Variants in L3MBTL4 observed in about 807,000 individuals in gnomAD.
The protein encoded by L3MBTL4 is lethal(3)malignant brain tumor-like protein 4.
In L3MBTL4, 70 loss-of-function variants were observed where a neutral mutation model predicts 84.5. That is an observed-to-expected ratio of 0.83 (90% CI 0.68 to 1.01). The LOEUF is 1.01. Among genes scored for constraint, L3MBTL4 ranks in the 50% least tolerant of loss-of-function variants. The probability of loss-of-function intolerance (pLI) is 0.00; values close to 1 mark genes in which losing one functional copy is unlikely to be tolerated. For synonymous variants in L3MBTL4, 274 were observed against 259.8 expected (o/e 1.05, Z -0.52); for missense variants, 715 against 754.8 (o/e 0.95, Z 0.62).
chr18:6,014,621 C>G (rs1309749376), intron 16 of L3MBTL4, among the ~76,000 whole-genome samples: 2 of 151,956 alleles, frequency 1.3e-5, no homozygotes, highest in Admixed American at 1.3e-4. Context: ...GCCTGGAGGA[C>G]TAGAATAACA....
At chr18:6,245,455 C>T (rs1340080295) in intron 5 of L3MBTL4, among the ~76,000 whole-genome samples, 5 of 152,126 alleles carry the variant, frequency 3.3e-5, no homozygotes, top group Non-Finnish European at 7.4e-5. Flanking sequence ...TGGCTCTTCA[C>T]TGTGTTTACA....
intron 1 of L3MBTL4, among the ~76,000 whole-genome samples, chr18:6,360,526 C>T (rs1485507143): frequency 6.6e-6 from 1 of 152,168 alleles, no homozygotes; most frequent in Non-Finnish European, 1.5e-5. Context: ...AGATTTATCA[C>T]TTTAATGTTA....
chr18:6,398,853 T>C (rs1423063565), intron 1 of L3MBTL4, among the ~76,000 whole-genome samples: 1 of 152,054 alleles, frequency 6.6e-6, no homozygotes, highest in Non-Finnish European at 1.5e-5. Flanking sequence ...GAGCCACCAC[T>C]GCTTCCCATC....
At chr18:6,408,544 C>A (rs1252595747) in intron 1 of L3MBTL4, among the ~76,000 whole-genome samples, 1 of 152,130 alleles carries the variant, frequency 6.6e-6, no homozygotes, top group Non-Finnish European at 1.5e-5. Context: ...AAATAATAGC[C>A]ACCTCCTTTA....
At chr18:6,024,707 G>A (rs968854267) in intron 16 of L3MBTL4, among the ~76,000 whole-genome samples, 1 of 152,034 alleles carries the variant, frequency 6.6e-6, no homozygotes, top group African/African-American at 2.4e-5. Flanking sequence ...TCCAACTCTA[G>A]TTAAAAGTAA....
intron 16 of L3MBTL4, among the ~76,000 whole-genome samples, chr18:6,070,390 G>A (rs755031182): frequency 1.8e-4 from 28 of 151,612 alleles, no homozygotes; most frequent in Non-Finnish European, 2.6e-4. Flanking sequence ...AGAAGCCAAC[G>A]GATTACCATA....
intron 13 of L3MBTL4, among the ~76,000 whole-genome samples, chr18:6,144,351 C>A (rs771415295): frequency 7.2e-5 from 11 of 152,116 alleles, no homozygotes; most frequent in Non-Finnish European, 1.5e-4. Flanking sequence ...ATACCATGAG[C>A]TACTTGCTAT....
chr18:6,370,180 G>T (rs1016178628), intron 1 of L3MBTL4, among the ~76,000 whole-genome samples: 3 of 151,284 alleles, frequency 2.0e-5, no homozygotes, highest in Admixed American at 6.6e-5. Context: ...GCTTACTATT[G>T]GACACAAGGG....
chr18:6,298,943 G>A (rs2050220476), intron 4 of L3MBTL4, among the ~76,000 whole-genome samples: 1 of 152,054 alleles, frequency 6.6e-6, no homozygotes, highest in African/African-American at 2.4e-5. Context: ...TACTAATACT[G>A]TGTTAGTTAA....
chr18:6,235,062 C>G (rs933827350), intron 10 of L3MBTL4, among the ~76,000 whole-genome samples: 1 of 151,842 alleles, frequency 6.6e-6, no homozygotes, highest in African/African-American at 2.4e-5. Context: ...GCAAACTATC[C>G]CAAGGACAGA....
rs760739661 is a variant in L3MBTL4, at chr18:6,239,775, A to G, written c.650T>C (p.Ile217Thr). 3.1e-6 allele frequency: 5 copies of G among 1,614,178 alleles called. No individual in the cohort carries two copies. Among genetic ancestry groups the G allele is most frequent in the Admixed American group, 1.7e-5 (1 of 60,028 alleles). The change falls in exon 9 of 19, where the codon ATT (isoleucine) becomes ACT (threonine). Residue 217 changes from isoleucine to threonine, a missense_variant. Coordinates refer to ENST00000317931, the MANE Select transcript of L3MBTL4 (RefSeq NM_001330559.2). ...SLVCVATIAD[I>T]VEDRLLVHFD... ...ATGCACTAGTAAGCGATCTTCAACA[A>G]TATCTGCTATGGTCGCCACACACAC... is the stretch of plus-strand genomic sequence containing the variant.
At chr18:6,084,415 A>G (rs1598692029) in intron 15 of L3MBTL4, among the ~76,000 whole-genome samples, 1 of 152,146 alleles carries the variant, frequency 6.6e-6, no homozygotes, top group East Asian at 1.9e-4. Context: ...CTTGTTCTAG[A>G]AGTTAAAAAA....
intron 12 of L3MBTL4, among the ~76,000 whole-genome samples, chr18:6,206,523 A>T (rs949710159): frequency 4.6e-5 from 7 of 152,156 alleles, no homozygotes; most frequent in African/African-American, 1.7e-4. Context: ...GGAGTTCTAG[A>T]GTAGGCGCCA....
At chr18:6,023,201 C>T (rs138536197) in intron 16 of L3MBTL4, among the ~76,000 whole-genome samples, 2 of 152,322 alleles carry the variant, frequency 1.3e-5, no homozygotes, top group South Asian at 4.1e-4. Context: ...GCTAGACATA[C>T]TGACTTCTGT....
intron 16 of L3MBTL4, among the ~76,000 whole-genome samples, chr18:5,986,354 G>A (rs2053464459): frequency 6.6e-6 from 1 of 152,038 alleles, no homozygotes; most frequent in African/African-American, 2.4e-5. Context: ...ATGATATGAG[G>A]TGGGAATCAA....
At chr18:6,277,509 C>A (rs917861559) in intron 4 of L3MBTL4, among the ~76,000 whole-genome samples, 4 of 152,088 alleles carry the variant, frequency 2.6e-5, no homozygotes, top group Non-Finnish European at 4.4e-5. Context: ...TACTATACCA[C>A]CAGAACGTTG....
intron 1 of L3MBTL4, among the ~76,000 whole-genome samples, chr18:6,393,211 T>C (rs2055131416): frequency 6.6e-6 from 1 of 152,236 alleles, no homozygotes; most frequent in South Asian, 2.1e-4. Context: ...CTTTTTTAGA[T>C]ATGCAACTAA....
intron 1 of L3MBTL4, among the ~76,000 whole-genome samples, chr18:6,394,112 A>C (rs2055173023): frequency 6.6e-6 from 1 of 151,660 alleles, no homozygotes; most frequent in African/African-American, 2.4e-5. Flanking sequence ...CCCCCAGCCC[A>C]GTGCTGCCAC....
At chr18:6,216,460 C>T (rs981820125) in intron 10 of L3MBTL4, among the ~76,000 whole-genome samples, 29 of 152,100 alleles carry the variant, frequency 1.9e-4, no homozygotes, top group Non-Finnish European at 2.9e-4. Context: ...TATCTTTCCA[C>T]GCAATAAGTA....
Sources: gnomAD v4.1 joint callset for allele counts (sites outside exome capture counted in the v4.1 genomes callset) on GRCh38, gnomAD v4.1.1 for gene constraint, MANE v1.5 for transcripts, NCBI Gene and HGNC (gene_info 2026-07-23, HGNC 2026-07-21) for gene names.